TEAD1: variants seen among roughly 807,000 people sequenced by gnomAD.
TEAD1 encodes the protein transcriptional enhancer factor TEF-1.
A neutral mutation model predicts 54.9 loss-of-function variants in TEAD1; 9 were observed. The ratio of observed to expected loss-of-function variants is 0.16; its 90% CI spans 0.10 to 0.29. The LOEUF is 0.29. Ranked by LOEUF, TEAD1 falls within the 10% of genes least tolerant of loss-of-function variation. The probability of loss-of-function intolerance (pLI) is 1.00; values close to 1 mark genes in which losing one functional copy is unlikely to be tolerated. For missense variants in TEAD1, 387 were observed against 535.9 expected, an observed-to-expected ratio of 0.72 and a Z score of 2.74; for synonymous variants, 200 against 187.8, an observed-to-expected ratio of 1.07 and a Z score of -0.53.
intron 11 of TEAD1, among the ~76,000 whole-genome samples, chr11:12,927,119 C>G (rs1948916457): frequency 6.6e-6 from 1 of 152,162 alleles, no homozygotes; most frequent in Non-Finnish European, 1.5e-5. Flanking sequence ...ATTCAGGGAG[C>G]AGGGAAAGGT....
chr11:12,711,790 ACAAGT>A (rs1943944509), intron 2 of TEAD1, among the ~76,000 whole-genome samples: 1 of 152,196 alleles, frequency 6.6e-6, no homozygotes, highest in Non-Finnish European at 1.5e-5. Flanking sequence ...TAGCAAGGTA[ACAAGT>A]TAACAGCTGT....
intron 5 of TEAD1, 110 bp downstream of exon 5, chr11:12,865,010 G>A (rs1248519685): frequency 8.6e-7 from 1 of 1,159,450 alleles, no homozygotes; most frequent in Non-Finnish European, 1.3e-6. Flanking sequence ...TAGTTTCCTT[G>A]CATGTGAGAG....
intron 3 of TEAD1, among the ~76,000 whole-genome samples, chr11:12,826,062 A>G (rs956286611): frequency 2.0e-5 from 3 of 152,248 alleles, no homozygotes; most frequent in African/African-American, 7.2e-5. Flanking sequence ...GTTAAGCTAA[A>G]TCTTTTAGCA....
At chr11:12,748,759 G>A (rs924005431) in intron 2 of TEAD1, among the ~76,000 whole-genome samples, 17 of 151,822 alleles carry the variant, frequency 1.1e-4, no homozygotes, top group Admixed American at 5.9e-4. Context: ...GGAGGCGGGG[G>A]ACAGCTCAGC....
intron 2 of TEAD1, among the ~76,000 whole-genome samples, chr11:12,690,603 CTT>C (rs959278227): frequency 5.1e-4 from 78 of 152,254 alleles, no homozygotes; most frequent in African/African-American, 1.8e-3. Context: ...TTTTTAAAAA[CTT>C]TTTTGATGCA....
At position 12,850,719 on chromosome 11, in the gene TEAD1, G is replaced by A. The variant is rs1258200633; in HGVS notation, c.203-11531G>A. Among the ~76,000 whole-genome samples the A allele has an allele frequency of 2.0e-5, 3 of 152,294 alleles. No homozygotes were observed. The East Asian group carries it at 5.8e-4, about 29-fold the overall frequency. On this transcript the variant is annotated intron_variant, in intron 3 of 12. Coordinates refer to ENST00000527636, the MANE Select transcript of TEAD1 (RefSeq NM_021961.6). Reference sequence around the variant, plus strand: ...CTTCATTATAAACTAGCGGTGTTTAGCACTTCAAATGTGTGGATTTCACAC... The same window carrying A: ...CTTCATTATAAACTAGCGGTGTTTAACACTTCAAATGTGTGGATTTCACAC...
At chr11:12,929,967 A>T (rs968664231) in intron 11 of TEAD1, among the ~76,000 whole-genome samples, 25 of 152,316 alleles carry the variant, frequency 1.6e-4, no homozygotes, top group African/African-American at 5.5e-4. Flanking sequence ...CTAATTTTTT[A>T]AAAAACTTCC....
chr11:12,814,795 GTGTGTGTGTGTGTGTGT>G (rs1946381088), intron 3 of TEAD1, among the ~76,000 whole-genome samples: 1 of 35,046 alleles, frequency 2.9e-5, no homozygotes, highest in Non-Finnish European at 5.8e-5. Context: ...GTGTGTGTGT[GTGTGTGTGTGTGTGTGT>G]GTGTGTGTGT....
At chr11:12,893,800 T>G (rs914693748) in intron 9 of TEAD1, among the ~76,000 whole-genome samples, 2 of 152,160 alleles carry the variant, frequency 1.3e-5, no homozygotes, top group South Asian at 2.1e-4. Flanking sequence ...TGGGATGAAG[T>G]GGCATATCAG....
intron 7 of TEAD1, among the ~76,000 whole-genome samples, chr11:12,881,680 T>A (rs572055503): frequency 6.6e-6 from 1 of 152,096 alleles, no homozygotes; most frequent in Admixed American, 6.5e-5. Flanking sequence ...GCACATCCCA[T>A]TGAACTGGAA....
At chr11:12,796,181 A>G (rs1316594493) in intron 3 of TEAD1, among the ~76,000 whole-genome samples, 2 of 152,164 alleles carry the variant, frequency 1.3e-5, no homozygotes, top group Non-Finnish European at 2.9e-5. Context: ...TTCTGACTTT[A>G]CCTCTTACAG....
intron 2 of TEAD1, among the ~76,000 whole-genome samples, chr11:12,758,490 A>G (rs986490681): frequency 6.9e-6 from 1 of 144,920 alleles, no homozygotes; most frequent in African/African-American, 2.6e-5. Flanking sequence ...AGCTTACTGC[A>G]AGCTCCACCT....
chr11:12,755,723 A>G (rs944493805), intron 2 of TEAD1, among the ~76,000 whole-genome samples: 1 of 152,220 alleles, frequency 6.6e-6, no homozygotes, highest in Non-Finnish European at 1.5e-5. Context: ...GCTACGAGTC[A>G]TGTCCTCTGG....
At chr11:12,908,069 A>T (rs184123282) in intron 10 of TEAD1, among the ~76,000 whole-genome samples, 4 of 152,184 alleles carry the variant, frequency 2.6e-5, no homozygotes, top group African/African-American at 9.6e-5. Flanking sequence ...GATTTTTTTT[A>T]AAAAGCCTTT....
chr11:12,889,321 AC>A (rs1276493560), intron 9 of TEAD1, among the ~76,000 whole-genome samples: 1 of 152,158 alleles, frequency 6.6e-6, no homozygotes, highest in African/African-American at 2.4e-5. Flanking sequence ...TCCTGAAAGT[AC>A]ACAGGGAGTG....
At chr11:12,835,133 C>T (rs1035287368) in intron 3 of TEAD1, among the ~76,000 whole-genome samples, 1 of 151,988 alleles carries the variant, frequency 6.6e-6, no homozygotes, top group African/African-American at 2.4e-5. Context: ...GCACCAAAAC[C>T]GGCAGTGAGT....
At chr11:12,902,264 C>A in intron 10 of TEAD1, 151 bp downstream of exon 10, 1 of 1,085,476 alleles carries the variant, frequency 9.2e-7, no homozygotes, top group Non-Finnish European at 1.4e-6. Context: ...GGACTCACAC[C>A]TGTGAACTGT....
At chr11:12,781,499 T>A (rs1341028577) in intron 3 of TEAD1, among the ~76,000 whole-genome samples, 1 of 152,034 alleles carries the variant, frequency 6.6e-6, no homozygotes, top group African/African-American at 2.4e-5. Flanking sequence ...AGTTAAAGAA[T>A]GGACAGAGGA....
intron 5 of TEAD1, among the ~76,000 whole-genome samples, chr11:12,877,627 C>T (rs959128590): frequency 6.6e-6 from 1 of 151,944 alleles, no homozygotes; most frequent in African/African-American, 2.4e-5. Flanking sequence ...CCACTGCACT[C>T]CAGCCCGGGC....
Sources: gnomAD v4.1 joint callset for allele counts (sites outside exome capture counted in the v4.1 genomes callset) on GRCh38, gnomAD v4.1.1 for gene constraint, MANE v1.5 for transcripts, NCBI Gene and HGNC (gene_info 2026-07-23, HGNC 2026-07-21) for gene names.